Variants in HTR4 observed in about 807,000 individuals in gnomAD.
The protein encoded by HTR4 is 5-hydroxytryptamine receptor 4.
A neutral mutation model predicts 36.8 loss-of-function variants in HTR4; 16 were observed. The ratio of observed to expected loss-of-function variants is 0.43; its 90% CI spans 0.29 to 0.66. HTR4 has a LOEUF of 0.66. Ranked by LOEUF, HTR4 falls within the 30% of genes least tolerant of loss-of-function variation. The pLI is 0.13. For missense variants in HTR4, 438 were observed against 490.9 expected (o/e 0.89, Z 1.02); for synonymous variants, 189 against 185.1 (o/e 1.02, Z -0.17).
chr5:148,463,737 C>A (rs918169247), intron 5 of HTR4, among the ~76,000 whole-genome samples: 1 of 150,238 alleles, frequency 6.7e-6, no homozygotes, highest in East Asian at 1.9e-4. Context: ...ATAACTAATT[C>A]TAAAGTTTAT....
At chr5:148,504,290 T>A (rs972850908) in intron 6 of HTR4, among the ~76,000 whole-genome samples, 4 of 152,144 alleles carry the variant, frequency 2.6e-5, no homozygotes, top group African/African-American at 9.7e-5. Flanking sequence ...TATAACAAAC[T>A]GTCTCTCAGA....
At chr5:148,475,304 G>A (rs2113708360), downstream of HTR4, among the ~76,000 whole-genome samples, 1 of 152,122 alleles carries the variant, frequency 6.6e-6, no homozygotes, top group East Asian at 1.9e-4. Context: ...TGGGAAGCAG[G>A]GATTCAATCC....
intron 2 of HTR4, among the ~76,000 whole-genome samples, chr5:148,565,512 A>C (rs1452824946): frequency 6.6e-6 from 1 of 152,170 alleles, no homozygotes; most frequent in African/African-American, 2.4e-5. Flanking sequence ...AGAAGGTGGT[A>C]AACGAATGTG....
intron 2 of HTR4, among the ~76,000 whole-genome samples, chr5:148,601,228 A>ACAC (rs1761985296): frequency 6.6e-6 from 1 of 152,092 alleles, no homozygotes; most frequent in African/African-American, 2.4e-5. Flanking sequence ...AACCCCTACT[A>ACAC]CACTGGTGAT....
chr5:148,507,254 C>G (rs1757266706), intron 6 of HTR4, among the ~76,000 whole-genome samples: 2 of 151,412 alleles, frequency 1.3e-5, no homozygotes, highest in African/African-American at 4.9e-5. Flanking sequence ...AACCATCATT[C>G]TCAGCAAACT....
intron 6 of HTR4, among the ~76,000 whole-genome samples, chr5:148,484,843 C>T (rs1439057094): frequency 1.3e-5 from 2 of 152,166 alleles, no homozygotes; most frequent in Non-Finnish European, 2.9e-5. Context: ...TTCCACATGC[C>T]ATTTTAAAGT....
At chr5:148,478,788 C>G (rs905266647), downstream of HTR4, among the ~76,000 whole-genome samples, 1 of 151,966 alleles carries the variant, frequency 6.6e-6, no homozygotes, top group African/African-American at 2.4e-5. Flanking sequence ...TCTTGTCCAC[C>G]CCTGGCATTT....
In HTR4 at chr5:148,548,851, T is replaced by A; in HGVS notation, c.170A>T (p.Tyr57Phe). The change falls in exon 4 of 7, where the codon TAT becomes TTT. Residue 57 changes from tyrosine (Y) to phenylalanine (F), a missense_variant. Coordinates refer to ENST00000377888, the MANE Select transcript of HTR4 (RefSeq NM_000870.7). Reference sequence around the variant, plus strand: ...CGCAAAAGCAAGAGATACAATGAAATAATTTGTTTTTATTTTCCTGTGAGT... The same window carrying A: ...CGCAAAAGCAAGAGATACAATGAAAAAATTTGTTTTTATTTTCCTGTGAGT... ...DRQLRKIKTN[Y>F]FIVSLAFADL... The A allele has an allele frequency of 6.2e-7, 1 of 1,613,316 alleles. No individual in the cohort carries two copies. Among genetic ancestry groups the A allele is most frequent in the Non-Finnish European group, 8.5e-7 (1 of 1,179,758 alleles).
chr5:148,536,129 C>G (rs1157952628), intron 4 of HTR4, among the ~76,000 whole-genome samples: 8 of 152,060 alleles, frequency 5.3e-5, no homozygotes, highest in Non-Finnish European at 1.5e-5. Flanking sequence ...TCATATCCAG[C>G]CAAACTAAGC....
chr5:148,634,551 C>G (rs1478213534), intron 2 of HTR4, among the ~76,000 whole-genome samples: 1 of 152,136 alleles, frequency 6.6e-6, no homozygotes, highest in African/African-American at 2.4e-5. Context: ...GTTTATAGCC[C>G]ATGCTGAGCT....
intron 2 of HTR4, among the ~76,000 whole-genome samples, chr5:148,566,289 C>T (rs867459265): frequency 6.6e-6 from 1 of 152,044 alleles, no homozygotes; most frequent in Admixed American, 6.5e-5. Flanking sequence ...TATATGGGTC[C>T]AGATACTATA....
At chr5:148,581,352 G>T (rs1020359431) in intron 2 of HTR4, among the ~76,000 whole-genome samples, 7 of 151,790 alleles carry the variant, frequency 4.6e-5, no homozygotes, top group African/African-American at 1.7e-4. Flanking sequence ...GTTTAATGTA[G>T]CTCTACTTAT....
intron 2 of HTR4, among the ~76,000 whole-genome samples, chr5:148,567,051 T>C (rs954325229): frequency 6.6e-6 from 1 of 152,140 alleles, no homozygotes; most frequent in Non-Finnish European, 1.5e-5. Context: ...ATTGTTCCTC[T>C]CACCAGTTAT....
At chr5:148,461,715 C>T (rs931780278) in intron 5 of HTR4, among the ~76,000 whole-genome samples, 3 of 151,938 alleles carry the variant, frequency 2.0e-5, no homozygotes, top group Non-Finnish European at 4.4e-5. Context: ...ATACAGAAGG[C>T]AGAAAATTAG....
Position 148,594,351 on chromosome 5 carries a change from CGTGTGT to C in HTR4, c.26+42632_26+42637del, listed in dbSNP as rs59165561. On this transcript the variant is annotated intron_variant, in intron 2 of 6. Coordinates refer to ENST00000377888, the MANE Select transcript of HTR4 (RefSeq NM_000870.7). Reference sequence around the variant, plus strand: ...CTCATAATTTTACAATTCTGGGTTTCGTGTGTGTGTGTGTGTGTGTGTGTGTGTAAA... The same window carrying C: ...CTCATAATTTTACAATTCTGGGTTTCGTGTGTGTGTGTGTGTGTGTGTAAA... Among the ~76,000 whole-genome samples, 128 of 148,618 alleles carry C rather than the reference CGTGTGT, an allele frequency of 8.6e-4. 2 individuals are homozygous for C. In the East Asian group the frequency reaches 0.014, roughly 16 times the overall value.
At chr5:148,647,571 G>A (rs537255677) in intron 1 of HTR4, among the ~76,000 whole-genome samples, 33 of 152,294 alleles carry the variant, frequency 2.2e-4, no homozygotes, top group East Asian at 7.7e-4. Flanking sequence ...GGTTAGGGCC[G>A]GGGGTGGTGG....
In HTR4 at chr5:148,651,308, G is replaced by A. The variant is rs116485215; in HGVS notation, c.-48+2754C>T. ...GGCAGTGAAAAGCAAGAGGGATAAA[G>A]GTAAATGTGTGAGGATGGTAAAGTT... On this transcript the variant is annotated intron_variant, in intron 1 of 6. Transcript: ENST00000377888. Among the ~76,000 whole-genome samples, 160 of 152,220 alleles carry A rather than the reference G, an allele frequency of 1.1e-3. 1 individual carries two copies. The highest frequency in any genetic ancestry group is 3.7e-3 in the African/African-American group (152 of 41,524).
Position 148,627,838 on chromosome 5 carries a change from G to A in HTR4, c.26+9151C>T, listed in dbSNP as rs551123266. 5.3e-5 allele frequency among the ~76,000 whole-genome samples: 8 copies of A among 152,282 alleles called. 1 individual carries two copies. The highest frequency in any genetic ancestry group is 1.9e-4 in the African/African-American group (8 of 41,562). On this transcript the variant is annotated intron_variant, in intron 2 of 6. Coordinates refer to ENST00000377888, the MANE Select transcript of HTR4 (RefSeq NM_000870.7). ...AATGGTAATAAAACAGAATTCCTGG[G>A]AGAAAATAGCAGGTACTAAAAGTCA...
chr5:148,610,366 A>G lies in HTR4; in HGVS notation c.26+26623T>C, dbSNP rs533856167. ...GACTGCCTCCTCAAGTGGGTCCCTG[A>G]CCCGTGACCCCCGAGCAGCCTAACT... On this transcript the variant is annotated intron_variant, in intron 2 of 6. Transcript: ENST00000377888. 1.5e-4 allele frequency among the ~76,000 whole-genome samples: 23 copies of G among 152,234 alleles called. No homozygotes were observed. The South Asian group carries it at 3.7e-3, about 25-fold the overall frequency.
Sources: allele counts gnomAD v4.1 joint callset (sites outside exome capture counted in the v4.1 genomes callset), GRCh38; gene constraint gnomAD v4.1.1; transcripts MANE v1.5; gene names NCBI Gene and HGNC (gene_info 2026-07-23, HGNC 2026-07-21).